KIF13B: variants seen among roughly 807,000 people sequenced by gnomAD.
The protein encoded by KIF13B is kinesin family member 13B.
Under a neutral mutation model 222.0 loss-of-function variants are expected in KIF13B, and 127 were observed. The observed-to-expected ratio is 0.57, with a 90% CI of 0.50 to 0.66. The LOEUF (loss-of-function observed/expected upper bound fraction) is 0.66, where lower values mean the gene tolerates loss of function less well. KIF13B is among the 30% of genes least tolerant of loss of function. The pLI, the probability that KIF13B is intolerant of heterozygous loss-of-function variation, is 0.00. For synonymous variants in KIF13B, 976 were observed against 919.0 expected (o/e 1.06, Z -1.12); for missense variants, 2,173 against 2,379.0 (o/e 0.91, Z 1.80).
At chr8:29,214,081 C>T (rs1418293963) in intron 2 of KIF13B, among the ~76,000 whole-genome samples, 1 of 152,234 alleles carries the variant, frequency 6.6e-6, no homozygotes, top group Non-Finnish European at 1.5e-5. Flanking sequence ...GCCATTGCAT[C>T]AGGTGAGTCA....
chr8:29,180,995 T>C, intron 7 of KIF13B, among the ~76,000 whole-genome samples: 1 of 152,200 alleles, frequency 6.6e-6, no homozygotes, highest in East Asian at 1.9e-4. Flanking sequence ...TTCTTTCCAG[T>C]AGGGCAGCCC....
chr8:29,155,006 C>T (rs1811455055), intron 14 of KIF13B, among the ~76,000 whole-genome samples: 2 of 152,204 alleles, frequency 1.3e-5, no homozygotes, highest in Admixed American at 6.5e-5. Flanking sequence ...GACTGTTATA[C>T]TTCCAACTCT....
chr8:29,087,470 G>T (rs1388756567), intron 37 of KIF13B, among the ~76,000 whole-genome samples: 1 of 152,198 alleles, frequency 6.6e-6, no homozygotes, highest in Admixed American at 6.5e-5. Context: ...GAATGAATCT[G>T]AAGTTCCTCA....
intron 2 of KIF13B, among the ~76,000 whole-genome samples, chr8:29,237,859 TA>T (rs567476328): frequency 4.5e-4 from 68 of 152,222 alleles, no homozygotes; most frequent in Non-Finnish European, 8.5e-4. Flanking sequence ...TCAAAAGTAG[TA>T]AATGATCACA....
At chr8:29,247,929 C>G (rs1816107968) in intron 1 of KIF13B, among the ~76,000 whole-genome samples, 1 of 151,270 alleles carries the variant, frequency 6.6e-6, no homozygotes, top group Admixed American at 6.6e-5. Flanking sequence ...ATAAAAATGG[C>G]CAATAAGCAC....
intron 35 of KIF13B, among the ~76,000 whole-genome samples, chr8:29,100,470 G>A (rs572733408): frequency 6.8e-4 from 104 of 152,004 alleles, no homozygotes; most frequent in African/African-American, 1.6e-3. Context: ...TGATTAACTC[G>A]AGGTTTTTTT....
At chr8:29,118,331 A>ACT (rs1165938462) in intron 30 of KIF13B, among the ~76,000 whole-genome samples, 152 of 151,392 alleles carry the variant, frequency 1.0e-3, no homozygotes, top group African/African-American at 3.6e-3. Context: ...CTCTACTAAA[A>ACT]AAAAAAAAAA....
intron 1 of KIF13B, among the ~76,000 whole-genome samples, chr8:29,249,150 G>T (rs139453793): frequency 6.6e-6 from 1 of 152,030 alleles, no homozygotes; most frequent in African/African-American, 2.4e-5. Context: ...AAGCTCTGCC[G>T]GGCACAGTGG....
At chr8:29,132,121 C>T (rs146818772) in intron 23 of KIF13B, among the ~76,000 whole-genome samples, 187 bp downstream of exon 23, 1,556 of 152,170 alleles carry the variant, frequency 0.01, 15 homozygotes, top group African/African-American at 0.022. Flanking sequence ...GTGTGCATGC[C>T]TATAATCCCA....
At chr8:29,116,807 T>C in intron 31 of KIF13B, 24 bp downstream of exon 31, 8 of 1,579,748 alleles carry the variant, frequency 5.1e-6, no homozygotes, top group Non-Finnish European at 6.9e-6. Context: ...GTGGTTAGAG[T>C]CGTTTCTTCC....
intron 15 of KIF13B, among the ~76,000 whole-genome samples, chr8:29,149,802 A>T (rs1454198246): frequency 6.6e-6 from 1 of 152,196 alleles, no homozygotes; most frequent in Admixed American, 6.5e-5. Flanking sequence ...GCCAACACTA[A>T]CAACTATGTT....
intron 2 of KIF13B, among the ~76,000 whole-genome samples, chr8:29,198,512 G>A (rs969494963): frequency 3.9e-5 from 6 of 152,024 alleles, no homozygotes; most frequent in Non-Finnish European, 8.8e-5. Flanking sequence ...TAGTAGAGAT[G>A]GGGTTTCACC....
At chr8:29,124,343 T>A (rs879584985) in intron 26 of KIF13B, among the ~76,000 whole-genome samples, 1 of 152,230 alleles carries the variant, frequency 6.6e-6, no homozygotes, top group African/African-American at 2.4e-5. Flanking sequence ...TTCTCAGGTA[T>A]CCAGAACCAG....
At chr8:29,156,332 G>A (rs1236350524) in intron 13 of KIF13B, among the ~76,000 whole-genome samples, 6 of 152,054 alleles carry the variant, frequency 3.9e-5, no homozygotes, top group African/African-American at 9.7e-5. Context: ...GGAAGGGAGC[G>A]AGATTTGGCC....
At chr8:29,194,290 G>T (rs1487593488) in intron 3 of KIF13B, among the ~76,000 whole-genome samples, 5 of 142,268 alleles carry the variant, frequency 3.5e-5, no homozygotes, top group Admixed American at 6.9e-5. Context: ...TTATTATTGG[G>T]TTTTTTTTTT....
At chr8:29,163,429 C>A (rs1374932016) in intron 12 of KIF13B, among the ~76,000 whole-genome samples, 1 of 152,016 alleles carries the variant, frequency 6.6e-6, no homozygotes, top group East Asian at 1.9e-4. Context: ...CTTGCAACTG[C>A]CCCCAGAATG....
At chr8:29,260,864 C>T (rs1223892720) in intron 1 of KIF13B, among the ~76,000 whole-genome samples, 2 of 152,136 alleles carry the variant, frequency 1.3e-5, no homozygotes, top group African/African-American at 2.4e-5. Flanking sequence ...GTGATCCACC[C>T]GCCTCGGCCT....
chr8:29,088,099 G>A (rs901485240), intron 37 of KIF13B, among the ~76,000 whole-genome samples: 9 of 151,724 alleles, frequency 5.9e-5, no homozygotes, highest in African/African-American at 1.9e-4. Context: ...AACTCTGTCT[G>A]TACTAAAAAT....
At chr8:29,199,747 A>C (rs1813609374) in intron 2 of KIF13B, among the ~76,000 whole-genome samples, 1 of 152,292 alleles carries the variant, frequency 6.6e-6, no homozygotes, top group South Asian at 2.1e-4. Flanking sequence ...CTCTCGACTT[A>C]ACAATCTACG....
Sources: gnomAD v4.1 joint callset for allele counts (sites outside exome capture counted in the v4.1 genomes callset) on GRCh38, gnomAD v4.1.1 for gene constraint, MANE v1.5 for transcripts, NCBI Gene and HGNC (gene_info 2026-07-23, HGNC 2026-07-21) for gene names.